The following UBE2G1 variants were observed in gnomAD, a reference collection of about 807,000 sequenced individuals.
UBE2G1 encodes ubiquitin conjugating enzyme E2 G1, also known as ubiquitin-conjugating enzyme E2 G1.
Under a neutral mutation model 22.7 loss-of-function variants are expected in UBE2G1, and 5 were observed. The observed-to-expected ratio is 0.22, with a 90% CI of 0.12 to 0.46. UBE2G1 has a LOEUF of 0.46. UBE2G1 is among the 20% of genes least tolerant of loss of function. The pLI is 0.99. For synonymous variants in UBE2G1, 74 were observed against 67.5 expected, an observed-to-expected ratio of 1.10 and a Z score of -0.47; for missense variants, 88 against 203.9, an observed-to-expected ratio of 0.43 and a Z score of 3.46.
At chr17:4,337,465 C>T (rs1417124100) in intron 1 of UBE2G1, among the ~76,000 whole-genome samples, 1 of 151,658 alleles carries the variant, frequency 6.6e-6, no homozygotes, top group Non-Finnish European at 1.5e-5. Flanking sequence ...CCAGCCTGGC[C>T]AACACGGTGA....
At chr17:4,324,321 T>G (rs1969477164) in intron 1 of UBE2G1, among the ~76,000 whole-genome samples, 1 of 152,216 alleles carries the variant, frequency 6.6e-6, no homozygotes, top group Non-Finnish European at 1.5e-5. Flanking sequence ...ACTTAACATG[T>G]GCTGCAAATG....
chr17:4,286,439 T>G (rs2143691933), intron 4 of UBE2G1, among the ~76,000 whole-genome samples: 2 of 150,380 alleles, frequency 1.3e-5, no homozygotes, highest in Admixed American at 1.3e-4. Context: ...AAACTGTTTA[T>G]AAGTCATGGT....
At chr17:4,298,847 G>A (rs1045934778) in intron 2 of UBE2G1, among the ~76,000 whole-genome samples, 3 of 152,152 alleles carry the variant, frequency 2.0e-5, no homozygotes, top group Admixed American at 6.5e-5. Context: ...CCACCATAGC[G>A]CCTTACTTTT....
At chr17:4,334,649 C>T (rs534545784) in intron 1 of UBE2G1, among the ~76,000 whole-genome samples, 1 of 152,146 alleles carries the variant, frequency 6.6e-6, no homozygotes, top group South Asian at 2.1e-4. Flanking sequence ...AACGGATTCT[C>T]CTGCCTCAGC....
chr17:4,310,512 C>T (rs1331056264), intron 1 of UBE2G1, among the ~76,000 whole-genome samples: 1 of 152,162 alleles, frequency 6.6e-6, no homozygotes, highest in South Asian at 2.1e-4. Context: ...TGAAATAGGG[C>T]AATCAGTATG....
intron 2 of UBE2G1, chr17:4,302,047 AG>A (rs552786501): frequency 1.2e-5 from 6 of 491,146 alleles, no homozygotes; most frequent in Admixed American, 6.7e-5. Context: ...CAACAAAAAA[AG>A]GGGGGGGAAG....
chr17:4,321,210 T>C (rs1468279170), intron 1 of UBE2G1, among the ~76,000 whole-genome samples: 1 of 152,140 alleles, frequency 6.6e-6, no homozygotes, highest in Non-Finnish European at 1.5e-5. Context: ...TGGAAGTATA[T>C]CTAGAATATA....
chr17:4,339,804 A>G lies in UBE2G1; in HGVS notation c.46+26467T>C, dbSNP rs531875669. 3.3e-4 allele frequency among the ~76,000 whole-genome samples: 50 copies of G among 152,132 alleles called. 1 individual carries two copies. The South Asian group carries it at 5.6e-3, about 17-fold the overall frequency. On this transcript the variant is annotated intron_variant, in intron 1 of 5. Transcript: ENST00000396981. ...GTGGAGGTTGCGGTGAGCCGAGATC[A>G]TGCCATTGCGCTCCAGCCTGGGCAA...
chr17:4,355,463 G>C (rs1389963983), intron 1 of UBE2G1, among the ~76,000 whole-genome samples: 2 of 147,926 alleles, frequency 1.4e-5, no homozygotes, highest in African/African-American at 4.9e-5. Flanking sequence ...CCAGCATGGT[G>C]AAACAACATT....
intron 1 of UBE2G1, among the ~76,000 whole-genome samples, chr17:4,361,839 G>T: frequency 6.6e-6 from 1 of 151,980 alleles, no homozygotes; most frequent in East Asian, 1.9e-4. Flanking sequence ...CTACTTGGGA[G>T]GCTGAGGCAC....
intron 1 of UBE2G1, among the ~76,000 whole-genome samples, chr17:4,321,517 G>C (rs879727590): frequency 6.6e-6 from 1 of 152,026 alleles, no homozygotes; most frequent in Non-Finnish European, 1.5e-5. Flanking sequence ...TTTGGAGACA[G>C]AGTTTCACTC....
chr17:4,272,329 A>C lies in UBE2G1; in HGVS notation c.*225T>G. 5.8e-6 allele frequency: 1 copy of C among 171,498 alleles called. No individual in the cohort carries two copies. The highest frequency in any genetic ancestry group is 1.2e-5 in the Non-Finnish European group (1 of 80,208). The allele number at this position is 171,498 out of a possible 1,614,324, so 10.6% of individuals were successfully genotyped here. A position where few individuals can be genotyped will look rare whatever the true frequency, so the allele number is the denominator to read the frequency against. On this transcript the variant is annotated 3_prime_UTR_variant, in exon 6 of 6. Coordinates refer to ENST00000396981, the MANE Select transcript of UBE2G1 (RefSeq NM_003342.5). ...TACAATTCTTCCTGAAGGTTAAAAC[A>C]GTTCATTAGAATTCAAAATGCGTAA...
chr17:4,332,961 A>T (rs766909589), intron 1 of UBE2G1, among the ~76,000 whole-genome samples: 1 of 152,144 alleles, frequency 6.6e-6, no homozygotes, highest in Non-Finnish European at 1.5e-5. Context: ...CCTAACTACA[A>T]AGCAAGCTCT....
intron 5 of UBE2G1, among the ~76,000 whole-genome samples, chr17:4,276,782 A>C (rs146089833): frequency 3.3e-5 from 5 of 152,324 alleles, no homozygotes; most frequent in Admixed American, 1.3e-4. Flanking sequence ...TGCTCTCAAA[A>C]ACAAGAGTGA....
chr17:4,297,117 T>C (rs1032856008), intron 2 of UBE2G1, among the ~76,000 whole-genome samples: 2 of 152,216 alleles, frequency 1.3e-5, no homozygotes, highest in Non-Finnish European at 2.9e-5. Context: ...CACTTCCCAG[T>C]GCACTTAAAA....
rs375107978 is a variant in UBE2G1, at chr17:4,343,206, T to C, written c.46+23065A>G. Reference sequence around the variant, plus strand: ...AATGTAGAATTCAATTTGAAGATTATGTGTGATCTGCCAGCACTTTAAATT... The same window carrying C: ...AATGTAGAATTCAATTTGAAGATTACGTGTGATCTGCCAGCACTTTAAATT... On this transcript the variant is annotated intron_variant, in intron 1 of 5. Coordinates refer to ENST00000396981, the MANE Select transcript of UBE2G1 (RefSeq NM_003342.5). 7.9e-5 allele frequency among the ~76,000 whole-genome samples: 12 copies of C among 152,344 alleles called. No homozygotes were observed. The South Asian group carries it at 2.3e-3, about 29-fold the overall frequency.
intron 1 of UBE2G1, among the ~76,000 whole-genome samples, chr17:4,361,685 T>C (rs1969968692): frequency 6.6e-6 from 1 of 152,048 alleles, no homozygotes; most frequent in Non-Finnish European, 1.5e-5. Flanking sequence ...ATGCCTGTAA[T>C]TCCAGCACTT....
At chr17:4,351,074 C>T (rs1008018348) in intron 1 of UBE2G1, among the ~76,000 whole-genome samples, 1 of 150,786 alleles carries the variant, frequency 6.6e-6, no homozygotes, top group African/African-American at 2.4e-5. Flanking sequence ...TGGTGCGTGC[C>T]TGTAATCCCA....
chr17:4,276,549 G>C (rs1221390565), intron 5 of UBE2G1, among the ~76,000 whole-genome samples: 1 of 152,154 alleles, frequency 6.6e-6, no homozygotes, highest in East Asian at 1.9e-4. Context: ...TCAGTATAGT[G>C]TATCTATCGC....
Sources: allele counts gnomAD v4.1 joint callset (sites outside exome capture counted in the v4.1 genomes callset), GRCh38; gene constraint gnomAD v4.1.1; transcripts MANE v1.5; gene names NCBI Gene and HGNC (gene_info 2026-07-23, HGNC 2026-07-21).